Variants in SLC28A2 observed in about 807,000 individuals in gnomAD.
SLC28A2 encodes the protein sodium/nucleoside cotransporter 2.
A neutral mutation model predicts 72.9 loss-of-function variants in SLC28A2; 69 were observed. The observed-to-expected ratio is 0.95, with a 90% confidence interval of 0.78 to 1.16. The LOEUF (loss-of-function observed/expected upper bound fraction) is 1.16, where lower values mean the gene tolerates loss of function less well. Ranked by LOEUF, SLC28A2 falls within the 50% of genes most tolerant of loss-of-function variation. The pLI, the probability that SLC28A2 is intolerant of heterozygous loss-of-function variation, is 0.00. For missense variants in SLC28A2, 745 were observed against 791.1 expected, an observed-to-expected ratio of 0.94 and a Z score of 0.70; for synonymous variants, 296 against 294.1, an observed-to-expected ratio of 1.01 and a Z score of -0.07.
chr15:45,258,760 T>G (rs1900057459), intron 3 of SLC28A2, among the ~76,000 whole-genome samples: 2 of 152,218 alleles, frequency 1.3e-5, no homozygotes, highest in South Asian at 4.1e-4. Flanking sequence ...GGGTCTGAAT[T>G]TTAGTAGTTT....
intron 10 of SLC28A2, 69 bp from the exon 11 acceptor site, chr15:45,267,386 C>T: frequency 6.3e-7 from 1 of 1,577,992 alleles, no homozygotes; most frequent in East Asian, 2.2e-5. Flanking sequence ...GCCCCTGGGG[C>T]TGGGGTGGGC....
intron 3 of SLC28A2, among the ~76,000 whole-genome samples, chr15:45,260,118 G>A (rs1182873621): frequency 1.3e-5 from 2 of 152,214 alleles, no homozygotes; most frequent in Non-Finnish European, 2.9e-5. Context: ...AATGCAAGAA[G>A]CAAAAGTCTT....
At position 45,263,147 on chromosome 15, in the gene SLC28A2, G is replaced by A. The variant is rs1363162432; in HGVS notation, c.349G>A (p.Val117Ile). 1.2e-6 allele frequency: 2 copies of A among 1,613,952 alleles called. No homozygotes were observed. The highest frequency in any genetic ancestry group is 1.7e-6 in the Non-Finnish European group (2 of 1,179,928). Reference protein sequence around the residue: ...LFVITCLVIFVLVHSFLKKLL... With the variant: ...LFVITCLVIFILVHSFLKKLL... ...TGTCATCACCTGCTTGGTGATCTTT[G>A]TCCTGGTTCACTCGTTTTTGAAAAA... Residue 117 changes from valine to isoleucine, a missense_variant, in exon 5 of 18, where the codon GTC becomes ATC. Coordinates refer to ENST00000347644, the MANE Select transcript of SLC28A2 (RefSeq NM_004212.4).
At chr15:45,265,726 A>C (rs1422735975) in intron 9 of SLC28A2, 63 bp downstream of exon 9, 3 of 1,099,484 alleles carry the variant, frequency 2.7e-6, no homozygotes, top group Admixed American at 1.7e-5. Flanking sequence ...TCAGCTTTGG[A>C]AAAATGCCCA....
chr15:45,270,116 C>A, intron 14 of SLC28A2, 79 bp from the exon 15 acceptor site: 1 of 968,600 alleles, frequency 1.0e-6, no homozygotes, highest in Non-Finnish European at 1.7e-6. Context: ...GCTGTCAGTA[C>A]TCTGGAACTT....
intron 5 of SLC28A2, among the ~76,000 whole-genome samples, chr15:45,263,590 G>C (rs901563125): frequency 2.0e-5 from 3 of 152,156 alleles, no homozygotes; most frequent in African/African-American, 7.2e-5. Context: ...TTGATTTGGT[G>C]GTCATTGGTG....
intron 3 of SLC28A2, among the ~76,000 whole-genome samples, chr15:45,258,881 A>G (rs934213999): frequency 6.6e-6 from 1 of 152,230 alleles, no homozygotes; most frequent in Non-Finnish European, 1.5e-5. Context: ...TTGCCATGCT[A>G]TAGGGTATGT....
At position 45,261,938 on chromosome 15, in the gene SLC28A2, A is replaced by T. The variant is rs1900175317; in HGVS notation, c.171-77A>T. On this transcript the variant is annotated intron_variant, in intron 3 of 17. Coordinates refer to ENST00000347644, the MANE Select transcript of SLC28A2 (RefSeq NM_004212.4). The stretch of plus-strand genomic sequence containing the variant: ...GAGCTAATTCTGCCTTGTGTTAGGT[A>T]ATCTGAATTCTGAGAGTTGAATTAA... 1.4e-5 allele frequency: 13 copies of T among 918,554 alleles called. No individual in the cohort carries two copies. In the East Asian group the frequency reaches 2.9e-4, roughly 20 times the overall value. The allele number at this position is 918,554 out of a possible 1,614,324, so 56.9% of individuals were successfully genotyped here. A position where few individuals can be genotyped will look rare whatever the true frequency, so the allele number is the denominator to read the frequency against.
chr15:45,256,387 C>A (rs1226700543), intron 3 of SLC28A2, among the ~76,000 whole-genome samples: 1 of 151,718 alleles, frequency 6.6e-6, no homozygotes, highest in Non-Finnish European at 1.5e-5. Flanking sequence ...CTCCATTTGC[C>A]TTACTTTCCA....
rs1900414499 is a variant in SLC28A2 at position 45,268,356 on chromosome 15, A to C, written c.1346A>C (p.Asp449Ala). Residue 449 changes from aspartate to alanine, a missense_variant, in exon 13 of 18, where the codon GAC becomes GCC. Asp to Ala is a moderately radical substitution (Grantham distance 126, BLOSUM62 -2). Coordinates refer to ENST00000347644, the MANE Select transcript of SLC28A2 (RefSeq NM_004212.4). ...CTCTCCTGGCTGGGGGAATTGGTGG[A>C]CATACAGGGGCTCACTTTCCAGGTA... ...AALSWLGELV[D>A]IQGLTFQVIC... is the part of the protein sequence containing the mutation. 1 of 1,598,508 alleles carries C rather than the reference A, an allele frequency of 6.3e-7. No individual in the cohort carries two copies. Among genetic ancestry groups the C allele is most frequent in the Non-Finnish European group, 8.6e-7 (1 of 1,167,434 alleles).
chr15:45,272,521 T>G, intron 16 of SLC28A2, 128 bp downstream of exon 16: 2 of 842,270 alleles, frequency 2.4e-6, no homozygotes, highest in Non-Finnish European at 3.9e-6. Context: ...CATGACAGGC[T>G]GTCTTTCAGA....
chr15:45,263,907 G>C lies in SLC28A2; in HGVS notation c.473G>C (p.Gly158Ala), dbSNP rs1900240412. Residue 158 changes from glycine (G) to alanine (A), a missense_variant, in exon 6 of 18, where the codon GGC becomes GCC. Coordinates refer to ENST00000347644, the MANE Select transcript of SLC28A2 (RefSeq NM_004212.4). ...GTGTTTGCAGGAGTCTCCTTGGTTG[G>C]CCTTATACTGTGGTTGGCTTTAGAC... is the stretch of plus-strand genomic sequence containing the variant. ...KWVFAGVSLV[G>A]LILWLALDTA... The C allele has an allele frequency of 6.2e-7, 1 of 1,612,986 alleles. No individual in the cohort carries two copies. The highest frequency in any genetic ancestry group is 8.5e-7 in the Non-Finnish European group (1 of 1,179,552).
rs1383357038 is a variant in SLC28A2, at chr15:45,263,235, G to A, written c.437G>A (p.Trp146Ter). Residue 146 changes from tryptophan to a stop codon, truncating the protein, a stop_gained, in exon 5 of 18, where the codon TGG (tryptophan) becomes TAG (stop). Coordinates refer to ENST00000347644, the MANE Select transcript of SLC28A2 (RefSeq NM_004212.4). LOFTEE classifies it high-confidence loss of function. ...TTTGAAAACTCCCGCCTGAGGCTTT[G>A]GACGAAATGGTAAGATAAGAATCTC... ...KPFENSRLRL[W>*]TKWVFAGVSL... 2.5e-6 allele frequency: 4 copies of A among 1,613,222 alleles called. No homozygotes were observed. The highest frequency in any genetic ancestry group is 3.4e-6 in the Non-Finnish European group (4 of 1,179,786).
intron 16 of SLC28A2, 58 bp from the exon 17 acceptor site, chr15:45,272,615 G>C (rs1475344004): frequency 9.7e-7 from 1 of 1,034,844 alleles, no homozygotes; most frequent in South Asian, 1.3e-5. Flanking sequence ...AAAGAATAAA[G>C]AGCCTTGAGA....
At chr15:45,271,065 G>C (rs1338238976) in intron 15 of SLC28A2, among the ~76,000 whole-genome samples, 1 of 152,228 alleles carries the variant, frequency 6.6e-6, no homozygotes, top group African/African-American at 2.4e-5. Context: ...GTAAGAGAGA[G>C]TGGTGTAAAG....
chr15:45,261,789 G>C (rs1157592081), intron 3 of SLC28A2, among the ~76,000 whole-genome samples: 1 of 152,218 alleles, frequency 6.6e-6, no homozygotes, highest in Non-Finnish European at 1.5e-5. Context: ...CAAGGATATT[G>C]CTAGTTCGGG....
At chr15:45,268,989 A>G (rs1197754498) in intron 13 of SLC28A2, among the ~76,000 whole-genome samples, 1 of 124,154 alleles carries the variant, frequency 8.1e-6, no homozygotes, top group Non-Finnish European at 1.6e-5. Context: ...GACACAGGAA[A>G]GGGAACATCA....
At position 45,276,486 on chromosome 15, in the gene SLC28A2, T is replaced by C. The variant is rs574929721; in HGVS notation, c.*973T>C. On this transcript the variant is annotated 3_prime_UTR_variant, in exon 18 of 18. Transcript: ENST00000347644. ...CCTAAAACTTAAAGTATAATAATAA[T>C]AATAAAAGAAAAAACTTCATAAAAT... The C allele has an allele frequency of 1.3e-5, 2 of 149,716 alleles. No homozygotes were observed. The highest frequency in any genetic ancestry group is 4.3e-4 in the South Asian group (2 of 4,622). The allele number at this position is 149,716 out of a possible 1,614,324, so 9.3% of individuals were successfully genotyped here. A position where few individuals can be genotyped will look rare whatever the true frequency, so the allele number is the denominator to read the frequency against.
intron 15 of SLC28A2, 181 bp from the exon 16 acceptor site, chr15:45,272,114 A>G (rs1382435931): frequency 3.5e-6 from 2 of 564,074 alleles, no homozygotes; most frequent in Non-Finnish European, 6.3e-6. Context: ...GTGATCCCTC[A>G]GGACTAATGT....
Sources: gnomAD v4.1 joint callset for allele counts (sites outside exome capture counted in the v4.1 genomes callset) on GRCh38, gnomAD v4.1.1 for gene constraint, MANE v1.5 for transcripts, NCBI Gene and HGNC (gene_info 2026-07-23, HGNC 2026-07-21) for gene names.